DISP1: variants seen among roughly 807,000 people sequenced by gnomAD.
DISP1 encodes the protein dispatched RND transporter family member 1, also known as protein dispatched homolog 1.
In DISP1, 30 loss-of-function variants were observed where a neutral mutation model predicts 37.3. The ratio of observed to expected loss-of-function variants is 0.80; its 90% CI spans 0.60 to 1.09. DISP1 has a LOEUF of 1.09. DISP1 is among the 50% of genes least tolerant of loss of function. The pLI, the probability that DISP1 is intolerant of heterozygous loss-of-function variation, is 0.00. For synonymous variants in DISP1, 634 were observed against 690.2 expected, an observed-to-expected ratio of 0.92 and a Z score of 1.28; for missense variants, 1,598 against 1,879.5, an observed-to-expected ratio of 0.85 and a Z score of 2.77.
intron 3 of DISP1, among the ~76,000 whole-genome samples, chr1:222,965,675 T>C (rs113416957): frequency 0.021 from 3,176 of 152,278 alleles, 125 homozygotes; most frequent in African/African-American, 0.073. Context: ...TCTTTCACCC[T>C]TTCATATGAC....
Position 223,004,401 on chromosome 1 carries a change from A to G in DISP1, c.3004A>G (p.Thr1002Ala). ...TGTTGCATTTAGCGTGATGCTGCTG[A>G]CAACTTGGAACATCATCATAAGCCT... is the stretch of plus-strand genomic sequence containing the variant. ...VAVAFSVMLL[T>A]TWNIIISLYA... is the part of the protein sequence containing the mutation. The change falls in exon 9 of 9, where the codon ACA becomes GCA. Residue 1002 changes from threonine to alanine, a missense_variant. Physicochemically the swap from Thr to Ala is moderately conservative, Grantham distance 58 (BLOSUM62 0). Coordinates refer to ENST00000675850, the MANE Select transcript of DISP1 (RefSeq NM_001377229.1). The surrounding 1 kb of genome is among the most constrained non-coding windows in gnomAD (Gnocchi z 4.9). 1 of 1,614,182 alleles carries G rather than the reference A, an allele frequency of 6.2e-7. No homozygotes were observed. Among genetic ancestry groups the G allele is most frequent in the Non-Finnish European group, 8.5e-7 (1 of 1,180,044 alleles).
intron 3 of DISP1, among the ~76,000 whole-genome samples, chr1:222,975,717 T>A (rs1677267061): frequency 1.3e-5 from 2 of 152,360 alleles, no homozygotes; most frequent in Non-Finnish European, 2.9e-5. Flanking sequence ...AGTTCACTGG[T>A]CATCAGAGTA....
At chr1:222,851,836 C>A (rs1006103377) in intron 1 of DISP1, among the ~76,000 whole-genome samples, 1 of 150,306 alleles carries the variant, frequency 6.7e-6, no homozygotes, top group Non-Finnish European at 1.5e-5. Flanking sequence ...CCAAAGCATT[C>A]AGCATTTTAC....
chr1:222,979,471 A>G (rs1164397841), intron 3 of DISP1: 2 of 244,880 alleles, frequency 8.2e-6, no homozygotes, highest in African/African-American at 2.3e-5. Context: ...TGATGGTTGC[A>G]TAACTCATGA....
chr1:222,846,281 C>T (rs1667890553), intron 1 of DISP1, among the ~76,000 whole-genome samples: 1 of 152,162 alleles, frequency 6.6e-6, no homozygotes, highest in Admixed American at 6.5e-5. Flanking sequence ...CACCTGAGGT[C>T]AGGAGTTCGA....
chr1:222,937,708 T>C (rs1674058275), intron 2 of DISP1, among the ~76,000 whole-genome samples: 1 of 151,912 alleles, frequency 6.6e-6, no homozygotes, highest in Non-Finnish European at 1.5e-5. Context: ...GATATTGGCA[T>C]GTTATATTCA....
At chr1:222,824,666 T>G (rs1299643095) in intron 1 of DISP1, among the ~76,000 whole-genome samples, 1 of 152,176 alleles carries the variant, frequency 6.6e-6, no homozygotes, top group Non-Finnish European at 1.5e-5. Flanking sequence ...CTAGCATAGT[T>G]GAAAGTAGCA....
At chr1:222,910,780 T>C (rs1672165087) in intron 1 of DISP1, among the ~76,000 whole-genome samples, 2 of 152,196 alleles carry the variant, frequency 1.3e-5, no homozygotes, top group South Asian at 2.1e-4. Context: ...TGAAGAAATA[T>C]GTAGGATTCA....
intron 4 of DISP1, among the ~76,000 whole-genome samples, chr1:222,987,203 C>G (rs1678343949): frequency 6.6e-6 from 1 of 152,166 alleles, no homozygotes; most frequent in Non-Finnish European, 1.5e-5. Context: ...GCGCAGGCAA[C>G]TCTGTTTCCC....
chr1:222,955,649 G>A (rs1675541817), intron 3 of DISP1, among the ~76,000 whole-genome samples: 1 of 152,138 alleles, frequency 6.6e-6, no homozygotes, highest in Non-Finnish European at 1.5e-5. Context: ...AAGATGGAGA[G>A]GGGCCAGGAG....
intron 1 of DISP1, among the ~76,000 whole-genome samples, chr1:222,921,048 G>A (rs1382031008): frequency 2.6e-5 from 4 of 152,162 alleles, no homozygotes; most frequent in Non-Finnish European, 4.4e-5. Context: ...AGTGGCTCAC[G>A]CCTGTAATCC....
chr1:222,983,233 A>G (rs1390213313), intron 4 of DISP1, 124 bp downstream of exon 4: 42 of 831,096 alleles, frequency 5.1e-5, no homozygotes, highest in Non-Finnish European at 7.7e-5. Context: ...TGAAAGAAAA[A>G]GAAATGTCCC....
intron 1 of DISP1, among the ~76,000 whole-genome samples, chr1:222,906,691 G>A (rs1671914128): frequency 2.0e-5 from 3 of 152,192 alleles, no homozygotes; most frequent in Admixed American, 2.0e-4. Context: ...AAAAAGAGGA[G>A]GCATGAATAA....
At chr1:222,900,038 G>T (rs1671494810) in intron 1 of DISP1, among the ~76,000 whole-genome samples, 1 of 152,116 alleles carries the variant, frequency 6.6e-6, no homozygotes. Flanking sequence ...TTAATAAAAG[G>T]TTTAAGATAT....
intron 1 of DISP1, among the ~76,000 whole-genome samples, chr1:222,867,557 G>C (rs936257481): frequency 3.5e-4 from 54 of 152,124 alleles, no homozygotes; most frequent in African/African-American, 1.3e-3. Context: ...CATAAAGTCT[G>C]CATTTGTTAA....
chr1:222,819,603 G>C (rs942559424), intron 1 of DISP1, among the ~76,000 whole-genome samples: 9 of 144,928 alleles, frequency 6.2e-5, no homozygotes, highest in African/African-American at 2.1e-4. Context: ...GCAGTGGCAC[G>C]ATCTCAGCTC....
rs1408386934 is a variant in DISP1, at chr1:222,943,027, T to C, written c.204T>C (p.Pro68=). Reference sequence around the variant, plus strand: ...GCACGGTCAAATCATCCTTTCTGCCTTTAGACAACCAAAGAATGCCTCAGA... The same window carrying C: ...GCACGGTCAAATCATCCTTTCTGCCCTTAGACAACCAAAGAATGCCTCAGA... The part of the protein sequence containing the change: ...LNGTVKSSFL[P]LDNQRMPQML... The change falls in exon 3 of 9, where the codon CCT becomes CCC. Residue 68 remains proline, a synonymous_variant. Coordinates refer to ENST00000675850, the MANE Select transcript of DISP1 (RefSeq NM_001377229.1). 1 of 1,614,198 alleles carries C rather than the reference T, an allele frequency of 6.2e-7. No individual in the cohort carries two copies. The highest frequency in any genetic ancestry group is 1.1e-5 in the South Asian group (1 of 91,080).
rs1476865164 is a variant in DISP1 at position 223,005,218 on chromosome 1, C to T, written c.3821C>T (p.Pro1274Leu). Residue 1274 changes from proline (P) to leucine (L), a missense_variant, in exon 9 of 9, where the codon CCA becomes CTA. Physicochemically the swap from Pro to Leu is moderately conservative, Grantham distance 98. Coordinates refer to ENST00000675850, the MANE Select transcript of DISP1 (RefSeq NM_001377229.1). ...TCTCTGAATCAGAGATGTAGCTGCCCAGATGCCTACAAACACTTGAACTAT... is the reference window on the plus strand; with the variant it reads ...TCTCTGAATCAGAGATGTAGCTGCCTAGATGCCTACAAACACTTGAACTAT... ...FFSLNQRCSC[P>L]DAYKHLNYGP... 6.2e-7 allele frequency: 1 copy of T among 1,613,996 alleles called. No individual in the cohort carries two copies. The highest frequency in any genetic ancestry group is 8.5e-7 in the Non-Finnish European group (1 of 1,180,016).
At chr1:222,974,533 T>C (rs2102656743) in intron 3 of DISP1, among the ~76,000 whole-genome samples, 1 of 152,380 alleles carries the variant, frequency 6.6e-6, no homozygotes, top group East Asian at 1.9e-4. Flanking sequence ...CCAGCCTTTC[T>C]CTCATGCTTC....
Sources: allele counts gnomAD v4.1 joint callset (sites outside exome capture counted in the v4.1 genomes callset), GRCh38; gene constraint gnomAD v4.1.1; non-coding constraint Gnocchi (gnomAD v3.1); transcripts MANE v1.5; gene names NCBI Gene and HGNC (gene_info 2026-07-23, HGNC 2026-07-21).